HCN1: variants seen among roughly 807,000 people sequenced by gnomAD.
The protein encoded by HCN1 is hyperpolarization activated cyclic nucleotide gated potassium channel 1.
In HCN1, 13 loss-of-function variants were observed where a neutral mutation model predicts 78.9. The observed-to-expected ratio is 0.16, with a 90% confidence interval of 0.11 to 0.26. HCN1 has a LOEUF of 0.26. HCN1 is among the 10% of genes least tolerant of loss of function. The probability of loss-of-function intolerance (pLI) is 1.00; values close to 1 mark genes in which losing one functional copy is unlikely to be tolerated. For missense variants in HCN1, 810 were observed against 1,154.3 expected, an observed-to-expected ratio of 0.70 and a Z score of 4.32; for synonymous variants, 552 against 455.5, an observed-to-expected ratio of 1.21 and a Z score of -2.70.
At chr5:45,498,010 C>G (rs1050375042) in intron 2 of HCN1, among the ~76,000 whole-genome samples, 1 of 152,154 alleles carries the variant, frequency 6.6e-6, no homozygotes, top group South Asian at 2.1e-4. Flanking sequence ...TCTCTGGCTG[C>G]CCTTAACATT....
intron 6 of HCN1, among the ~76,000 whole-genome samples, chr5:45,278,331 T>G (rs1361058802): frequency 6.6e-6 from 1 of 152,162 alleles, no homozygotes; most frequent in African/African-American, 2.4e-5. Flanking sequence ...GTTTTCATTT[T>G]CTACTTTTCA....
intron 1 of HCN1, among the ~76,000 whole-genome samples, chr5:45,677,989 TAC>T (rs200866112): frequency 4.2e-3 from 397 of 93,672 alleles, no homozygotes; most frequent in East Asian, 5.9e-3. Context: ...CACACACACA[TAC>T]ACACACACAC....
chr5:45,484,760 G>GCTTA (rs2111683856), intron 2 of HCN1, among the ~76,000 whole-genome samples: 1 of 152,252 alleles, frequency 6.6e-6, no homozygotes, highest in African/African-American at 2.4e-5. Flanking sequence ...TTGACACAGT[G>GCTTA]CTTATACTTT....
chr5:45,365,656 T>A (rs1747220287), intron 4 of HCN1, among the ~76,000 whole-genome samples: 1 of 151,944 alleles, frequency 6.6e-6, no homozygotes, highest in Non-Finnish European at 1.5e-5. Flanking sequence ...AATATATGAG[T>A]GCAGGTGTCT....
At chr5:45,302,531 G>A (rs1482520023) in intron 6 of HCN1, among the ~76,000 whole-genome samples, 1 of 151,964 alleles carries the variant, frequency 6.6e-6, no homozygotes, top group Non-Finnish European at 1.5e-5. Context: ...GCAATTTGGT[G>A]TTATTTGCCT....
At chr5:45,621,742 A>T (rs1304371292) in intron 2 of HCN1, among the ~76,000 whole-genome samples, 1 of 152,194 alleles carries the variant, frequency 6.6e-6, no homozygotes, top group Non-Finnish European at 1.5e-5. Flanking sequence ...CACCCAAAAA[A>T]CATAACGAAT....
chr5:45,519,848 T>C (rs1316861800), intron 2 of HCN1, among the ~76,000 whole-genome samples: 3 of 151,882 alleles, frequency 2.0e-5, no homozygotes, highest in Non-Finnish European at 2.9e-5. Flanking sequence ...TTGTTAAACA[T>C]AAAATAAACT....
intron 1 of HCN1, among the ~76,000 whole-genome samples, chr5:45,675,875 G>C (rs2112081616): frequency 6.6e-6 from 1 of 151,910 alleles, no homozygotes; most frequent in South Asian, 2.1e-4. Context: ...GTCCTTTTCT[G>C]TTTTAATATA....
chr5:45,387,124 T>G (rs1747938514), intron 4 of HCN1, among the ~76,000 whole-genome samples: 1 of 151,888 alleles, frequency 6.6e-6, no homozygotes, highest in Non-Finnish European at 1.5e-5. Flanking sequence ...TGAAAATATT[T>G]TGTCCCAAAG....
intron 6 of HCN1, among the ~76,000 whole-genome samples, chr5:45,293,789 T>C (rs1745428645): frequency 6.6e-6 from 1 of 151,938 alleles, no homozygotes; most frequent in Non-Finnish European, 1.5e-5. Context: ...CTAGCATCTC[T>C]CTCACACAAT....
chr5:45,628,985 T>TAAAAAAAA (rs201496606), intron 2 of HCN1, among the ~76,000 whole-genome samples: 1 of 117,714 alleles, frequency 8.5e-6, no homozygotes, highest in African/African-American at 3.1e-5. Context: ...AAATAAAAAA[T>TAAAAAAAA]AAAAAAAAAA....
At chr5:45,334,083 C>A (rs898712553) in intron 5 of HCN1, among the ~76,000 whole-genome samples, 1 of 151,666 alleles carries the variant, frequency 6.6e-6, no homozygotes, top group Non-Finnish European at 1.5e-5. Context: ...TTAAAATAGT[C>A]ATGGTTATTA....
chr5:45,410,450 A>G (rs558059473), intron 3 of HCN1, among the ~76,000 whole-genome samples: 3 of 152,206 alleles, frequency 2.0e-5, no homozygotes, highest in Admixed American at 2.0e-4. Context: ...AATTATATAG[A>G]GAACCATTCT....
intron 2 of HCN1, among the ~76,000 whole-genome samples, chr5:45,548,238 T>C (rs1743272123): frequency 2.6e-5 from 4 of 151,940 alleles, no homozygotes; most frequent in Non-Finnish European, 5.9e-5. Context: ...ACTTTCTGTA[T>C]TACTTTACTT....
At chr5:45,466,383 C>T (rs1741271639) in intron 2 of HCN1, among the ~76,000 whole-genome samples, 1 of 152,152 alleles carries the variant, frequency 6.6e-6, no homozygotes, top group African/African-American at 2.4e-5. Flanking sequence ...GTTGACTTTA[C>T]ATACTGGGAT....
chr5:45,519,649 A>C (rs1315383973), intron 2 of HCN1, among the ~76,000 whole-genome samples: 1 of 152,004 alleles, frequency 6.6e-6, no homozygotes. Context: ...TATTTATTCA[A>C]TAATGTCTTT....
intron 2 of HCN1, among the ~76,000 whole-genome samples, chr5:45,550,012 G>T (rs1743330719): frequency 6.6e-6 from 1 of 152,110 alleles, no homozygotes; most frequent in African/African-American, 2.4e-5. Flanking sequence ...GTGCTGGAGA[G>T]TATGTGGAGA....
At chr5:45,431,914 T>C (rs1047900781) in intron 3 of HCN1, among the ~76,000 whole-genome samples, 13 of 152,198 alleles carry the variant, frequency 8.5e-5, no homozygotes, top group Admixed American at 3.9e-4. Flanking sequence ...CTTGGCTATT[T>C]AGGCTCTTTT....
intron 4 of HCN1, among the ~76,000 whole-genome samples, chr5:45,379,281 C>G (rs985721867): frequency 2.6e-5 from 4 of 152,208 alleles, no homozygotes; most frequent in African/African-American, 9.6e-5. Flanking sequence ...TCTCTAGCAC[C>G]TGTTGTTTCC....
Sources: gnomAD v4.1 joint callset for allele counts (sites outside exome capture counted in the v4.1 genomes callset) on GRCh38, gnomAD v4.1.1 for gene constraint, MANE v1.5 for transcripts, NCBI Gene and HGNC (gene_info 2026-07-23, HGNC 2026-07-21) for gene names.